Variants in SKIC3 observed in about 807,000 individuals in gnomAD.
SKIC3 encodes the protein SKI3 subunit of superkiller complex.
At chr5:95,533,960 C>T in the SKIC3 span, among the ~76,000 whole-genome samples, 8 of 152,098 alleles carry the variant, frequency 5.3e-5, no homozygotes, top group African/African-American at 1.9e-4. Flanking sequence ...TTCACTGTGT[C>T]ATTTGGCATG....
the SKIC3 span, chr5:95,515,144 T>C: frequency 2.1e-6 from 1 of 473,992 alleles, no homozygotes; most frequent in African/African-American, 2.0e-5. Context: ...GGTTAGGAGT[T>C]CTGAACCCTA....
At chr5:95,515,801 C>T in the SKIC3 span, among the ~76,000 whole-genome samples, 1 of 152,172 alleles carries the variant, frequency 6.6e-6, no homozygotes, top group East Asian at 1.9e-4. Flanking sequence ...ATGGTATTAC[C>T]TATAGATTTA....
At chr5:95,485,548 G>C in the SKIC3 span, among the ~76,000 whole-genome samples, 1 of 152,108 alleles carries the variant, frequency 6.6e-6, no homozygotes, top group Admixed American at 6.5e-5. Flanking sequence ...GTGAAGTGTT[G>C]TTATGAATTT....
chr5:95,517,432 TCTC>T, the SKIC3 span: 1 of 1,229,354 alleles, frequency 8.1e-7, no homozygotes, highest in Non-Finnish European at 1.2e-6. Context: ...ACTTTACTAG[TCTC>T]CTCCTAACTG....
chr5:95,532,286 G>A, the SKIC3 span, among the ~76,000 whole-genome samples: 9 of 152,096 alleles, frequency 5.9e-5, no homozygotes, highest in Non-Finnish European at 1.0e-4. Flanking sequence ...GAACATAAAC[G>A]ACTTTTAAAA....
the SKIC3 span, among the ~76,000 whole-genome samples, chr5:95,550,196 T>TA: frequency 8.6e-5 from 13 of 152,016 alleles, no homozygotes; most frequent in East Asian, 2.5e-3. Context: ...CAACTGCACT[T>TA]AAAAAGAGTT....
At chr5:95,480,730 A>G in the SKIC3 span, among the ~76,000 whole-genome samples, 1 of 152,212 alleles carries the variant, frequency 6.6e-6, no homozygotes, top group Non-Finnish European at 1.5e-5. Flanking sequence ...CAAAACCTGG[A>G]AACACCCAAA....
chr5:95,465,182 G>C, the SKIC3 span, among the ~76,000 whole-genome samples: 1 of 151,884 alleles, frequency 6.6e-6, no homozygotes, highest in African/African-American at 2.4e-5. Context: ...TGCTGGCCTT[G>C]GTCTCCCAAA....
the SKIC3 span, among the ~76,000 whole-genome samples, chr5:95,507,413 G>A: frequency 6.6e-6 from 1 of 152,174 alleles, no homozygotes; most frequent in African/African-American, 2.4e-5. Flanking sequence ...ATGTGCCCTT[G>A]CTTGTACATA....
chr5:95,482,706 A>G, the SKIC3 span: 44 of 1,544,380 alleles, frequency 2.8e-5, no homozygotes, highest in Non-Finnish European at 1.8e-6. Context: ...TTATTCTCCA[A>G]GTTGGGAAAA....
the SKIC3 span, among the ~76,000 whole-genome samples, chr5:95,472,656 T>A: frequency 3.9e-5 from 6 of 152,002 alleles, no homozygotes; most frequent in Non-Finnish European, 7.4e-5. Context: ...TTCTAAAGTT[T>A]AACTTCAGAT....
At chr5:95,468,263 G>A in the SKIC3 span, among the ~76,000 whole-genome samples, 1 of 152,078 alleles carries the variant, frequency 6.6e-6, no homozygotes, top group South Asian at 2.1e-4. Context: ...ATATGGCAGA[G>A]AAGTAAATTA....
chr5:95,548,290 C>T, the SKIC3 span, among the ~76,000 whole-genome samples: 1 of 151,974 alleles, frequency 6.6e-6, no homozygotes, highest in Non-Finnish European at 1.5e-5. Flanking sequence ...ACATGGTACA[C>T]TGACAGTCCT....
At chr5:95,524,608 T>C in the SKIC3 span, 2 of 1,612,574 alleles carry the variant, frequency 1.2e-6, no homozygotes, top group African/African-American at 2.7e-5. Context: ...CACCAAAGGG[T>C]AATAAAAAGA....
At chr5:95,468,016 C>T in the SKIC3 span, 2 of 1,611,360 alleles carry the variant, frequency 1.2e-6, no homozygotes, top group South Asian at 2.2e-5. Flanking sequence ...TACATTTAGT[C>T]CAAAGCATGC....
chr5:95,488,957 T>G, the SKIC3 span, among the ~76,000 whole-genome samples: 4 of 152,104 alleles, frequency 2.6e-5, no homozygotes, highest in African/African-American at 9.7e-5. Flanking sequence ...AATATATGGA[T>G]TAGCTGAATG....
chr5:95,520,489 T>C, the SKIC3 span, among the ~76,000 whole-genome samples: 3 of 146,456 alleles, frequency 2.0e-5, no homozygotes, highest in Admixed American at 7.0e-5. Flanking sequence ...TTCTTTCCTA[T>C]GCATCTAGGA....
chr5:95,536,863 A>G, the SKIC3 span: 1 of 1,613,736 alleles, frequency 6.2e-7, no homozygotes, highest in Non-Finnish European at 8.5e-7. Context: ...GATACTGTAC[A>G]GTAGGATAGA....
chr5:95,473,112 G>T, the SKIC3 span, among the ~76,000 whole-genome samples: 49 of 152,052 alleles, frequency 3.2e-4, no homozygotes, highest in Non-Finnish European at 6.5e-4. Context: ...ATTTTCCTTT[G>T]AGTGTATACT....
Sources: gnomAD v4.1 joint callset for allele counts (sites outside exome capture counted in the v4.1 genomes callset) on GRCh38, gnomAD v4.1.1 for gene constraint, MANE v1.5 for transcripts, NCBI Gene and HGNC (gene_info 2026-07-23, HGNC 2026-07-21) for gene names.